The following C1QTNF3 variants were observed in gnomAD, a reference collection of about 807,000 sequenced individuals.
The protein encoded by C1QTNF3 is complement C1q tumor necrosis factor-related protein 3.
A neutral mutation model predicts 32.6 loss-of-function variants in C1QTNF3; 26 were observed. That is an observed-to-expected ratio of 0.80 (90% CI 0.58 to 1.11). The LOEUF (loss-of-function observed/expected upper bound fraction) is 1.11. Among genes scored for constraint, C1QTNF3 ranks in the 50% least tolerant of loss-of-function variants. The pLI, the probability that C1QTNF3 is intolerant of heterozygous loss-of-function variation, is 0.00. For missense variants in C1QTNF3, 362 were observed against 398.2 expected (o/e 0.91, Z 0.77); for synonymous variants, 155 against 146.0 (o/e 1.06, Z -0.44).
chr5:34,213,291 T>TA, the C1QTNF3 span, among the ~76,000 whole-genome samples: 1 of 152,120 alleles, frequency 6.6e-6, no homozygotes, highest in Non-Finnish European at 1.5e-5. Context: ...CACAGTAAGA[T>TA]AAACACCTAA....
At chr5:34,197,494 T>C in the C1QTNF3 span, among the ~76,000 whole-genome samples, 9 of 152,352 alleles carry the variant, frequency 5.9e-5, no homozygotes, top group South Asian at 8.3e-4. Flanking sequence ...ATTAGATTTT[T>C]CTATTAATTA....
chr5:34,092,837 T>A, the C1QTNF3 span, among the ~76,000 whole-genome samples: 3 of 152,024 alleles, frequency 2.0e-5, no homozygotes, highest in South Asian at 6.2e-4. Flanking sequence ...TTCTCAGAAC[T>A]AGACTTGTTG....
chr5:34,226,703 C>T, the C1QTNF3 span, among the ~76,000 whole-genome samples: 1 of 151,716 alleles, frequency 6.6e-6, no homozygotes, highest in Non-Finnish European at 1.5e-5. Context: ...TTTGGACTCC[C>T]CAAAACTAAA....
At chr5:34,193,537 AG>A in the C1QTNF3 span, 2 of 696,492 alleles carry the variant, frequency 2.9e-6, no homozygotes. Flanking sequence ...ACCTGCAAGC[AG>A]GGATGCCGGC....
the C1QTNF3 span, among the ~76,000 whole-genome samples, chr5:34,154,900 T>G: frequency 6.6e-6 from 1 of 152,154 alleles, no homozygotes; most frequent in Non-Finnish European, 1.5e-5. Context: ...CTTAGTCTGA[T>G]GGACAGTTGA....
the C1QTNF3 span, among the ~76,000 whole-genome samples, chr5:34,133,347 A>G: frequency 6.6e-6 from 1 of 152,040 alleles, no homozygotes; most frequent in South Asian, 2.1e-4. Flanking sequence ...GAAAAAGATA[A>G]CTGTGTCTCC....
At chr5:34,173,180 A>G in the C1QTNF3 span, among the ~76,000 whole-genome samples, 1 of 152,186 alleles carries the variant, frequency 6.6e-6, no homozygotes, top group African/African-American at 2.4e-5. Context: ...ATGATAAAAA[A>G]TATATGTATA....
the C1QTNF3 span, among the ~76,000 whole-genome samples, chr5:34,215,611 T>G: frequency 6.6e-6 from 1 of 152,160 alleles, no homozygotes; most frequent in Non-Finnish European, 1.5e-5. Flanking sequence ...CTTAATAGCA[T>G]CTCATTTTAT....
the C1QTNF3 span, among the ~76,000 whole-genome samples, chr5:34,224,851 C>A: frequency 3.0e-3 from 461 of 152,256 alleles, 7 homozygotes; most frequent in Middle Eastern, 6.8e-3. Flanking sequence ...AAACTACCAT[C>A]AGAGTGAACA....
chr5:34,081,116 T>G, the C1QTNF3 span, among the ~76,000 whole-genome samples: 3 of 151,664 alleles, frequency 2.0e-5, no homozygotes, highest in African/African-American at 7.3e-5. Flanking sequence ...TTGAACAAGG[T>G]TGGTAAAAAC....
At chr5:34,243,856 G>A in the C1QTNF3 span, among the ~76,000 whole-genome samples, 5 of 151,744 alleles carry the variant, frequency 3.3e-5, no homozygotes, top group Non-Finnish European at 5.9e-5. Flanking sequence ...ACTACCTACT[G>A]GGTACTATGC....
chr5:34,176,063 G>A, the C1QTNF3 span: 4 of 603,990 alleles, frequency 6.6e-6, no homozygotes, highest in African/African-American at 3.7e-5. Flanking sequence ...CTCACTGGGG[G>A]CTGTAGTGAC....
chr5:34,105,009 G>C, the C1QTNF3 span, among the ~76,000 whole-genome samples: 2 of 151,012 alleles, frequency 1.3e-5, no homozygotes, highest in Non-Finnish European at 2.9e-5. Flanking sequence ...TTACTTGTCA[G>C]AATTACATCT....
At chr5:34,029,028 G>A (rs1754546589) in intron 3 of C1QTNF3, 145 bp from the exon 4 acceptor site, 2 of 589,544 alleles carry the variant, frequency 3.4e-6, no homozygotes, top group East Asian at 3.1e-5. Flanking sequence ...AATAAATTAT[G>A]GTAATTCCAA....
chr5:34,141,077 T>C, the C1QTNF3 span, among the ~76,000 whole-genome samples: 2 of 152,092 alleles, frequency 1.3e-5, no homozygotes, highest in South Asian at 4.1e-4. Context: ...CTTTTAGTTC[T>C]AGAGGATAGA....
At chr5:34,226,965 C>T in the C1QTNF3 span, among the ~76,000 whole-genome samples, 2 of 151,782 alleles carry the variant, frequency 1.3e-5, no homozygotes, top group Admixed American at 1.3e-4. Flanking sequence ...ATCTAGGGTA[C>T]CTATCAAGCA....
the C1QTNF3 span, among the ~76,000 whole-genome samples, chr5:34,070,153 T>G: frequency 6.6e-6 from 1 of 152,248 alleles, no homozygotes; most frequent in Admixed American, 6.5e-5. Context: ...TGAACTCCAC[T>G]TCAAGACCTT....
At chr5:34,101,905 C>T in the C1QTNF3 span, among the ~76,000 whole-genome samples, 2 of 146,984 alleles carry the variant, frequency 1.4e-5, no homozygotes, top group East Asian at 4.0e-4. Context: ...TTTCTTTCAG[C>T]CTGAAAGAGA....
the C1QTNF3 span, among the ~76,000 whole-genome samples, chr5:34,063,182 G>A: frequency 1.3e-5 from 2 of 152,068 alleles, no homozygotes; most frequent in African/African-American, 4.8e-5. Flanking sequence ...AAGGAATGGG[G>A]TACACTGTTT....
Sources: gnomAD v4.1 joint callset for allele counts (sites outside exome capture counted in the v4.1 genomes callset) on GRCh38, gnomAD v4.1.1 for gene constraint, MANE v1.5 for transcripts, NCBI Gene and HGNC (gene_info 2026-07-23, HGNC 2026-07-21) for gene names.